IL19: variants seen among roughly 807,000 people sequenced by gnomAD.
The protein encoded by IL19 is interleukin 19, also known as interleukin-19.
Under a neutral mutation model 19.5 loss-of-function variants are expected in IL19, and 15 were observed. That is an observed-to-expected ratio of 0.77 (90% CI 0.52 to 1.19). The LOEUF is 1.19. Among genes scored for constraint, IL19 ranks in the 50% most tolerant of loss-of-function variants. The probability of loss-of-function intolerance (pLI) is 0.00; values close to 1 mark genes in which losing one functional copy is unlikely to be tolerated. For synonymous variants in IL19, 78 were observed against 78.3 expected (o/e 1.00, Z 0.02); for missense variants, 199 against 213.1 (o/e 0.93, Z 0.41).
chr1:206,808,589 G>A (rs1190179114), intron 2 of IL19, among the ~76,000 whole-genome samples: 1 of 152,078 alleles, frequency 6.6e-6, no homozygotes, highest in Non-Finnish European at 1.5e-5. Flanking sequence ...CTGGCACTGA[G>A]ACAGAGTAAA....
intron 2 of IL19, among the ~76,000 whole-genome samples, chr1:206,808,500 C>CAT (rs144582254): frequency 3.4e-5 from 5 of 148,610 alleles, no homozygotes; most frequent in African/African-American, 1.2e-4. Flanking sequence ...TGTGTGTGTG[C>CAT]GTGTGTGTGT....
chr1:206,830,563 C>A (rs1676567522), intron 2 of IL19, among the ~76,000 whole-genome samples: 1 of 123,332 alleles, frequency 8.1e-6, no homozygotes, highest in African/African-American at 3.1e-5. Flanking sequence ...AATACCCATC[C>A]ATCATTATCA....
At chr1:206,835,367 G>A (rs560760010) in intron 2 of IL19, among the ~76,000 whole-genome samples, 6 of 152,328 alleles carry the variant, frequency 3.9e-5, no homozygotes, top group Non-Finnish European at 7.3e-5. Context: ...TTGGCTTAAT[G>A]CCTGCCACGT....
At chr1:206,822,019 G>T (rs11811158) in intron 2 of IL19, among the ~76,000 whole-genome samples, 6,755 of 152,246 alleles carry the variant, frequency 0.044, 537 homozygotes, top group African/African-American at 0.16. Context: ...GTGCCCCACC[G>T]TGCCTGGAAT....
chr1:206,822,903 T>C (rs532055075), intron 2 of IL19, among the ~76,000 whole-genome samples: 1 of 152,092 alleles, frequency 6.6e-6, no homozygotes, highest in African/African-American at 2.4e-5. Flanking sequence ...TAGGGTTATA[T>C]TTCACTGCAT....
At chr1:206,838,165 A>G (rs1308174938) in intron 4 of IL19, among the ~76,000 whole-genome samples, 2 of 152,234 alleles carry the variant, frequency 1.3e-5, no homozygotes, top group African/African-American at 4.8e-5. Context: ...CAGTGACAAG[A>G]TCTGCCCAAT....
At chr1:206,836,153 A>G (rs1285496342) in intron 2 of IL19, among the ~76,000 whole-genome samples, 2 of 152,240 alleles carry the variant, frequency 1.3e-5, no homozygotes, top group Admixed American at 1.3e-4. Flanking sequence ...GGCTTCAAAC[A>G]AATGATTTTA....
rs562924036 is a variant in IL19 at position 206,836,279 on chromosome 1, T to A, written c.-2-382T>A. 5.9e-5 allele frequency among the ~76,000 whole-genome samples: 9 copies of A among 152,344 alleles called. No individual in the cohort carries two copies. In the East Asian group the frequency reaches 1.7e-3, roughly 29 times the overall value. Reference sequence around the variant, plus strand: ...CATCTGTTGCCGAATTCCTAGGGCATCTTACCAACCCTGCTTTTCCTATTT... The same window carrying A: ...CATCTGTTGCCGAATTCCTAGGGCAACTTACCAACCCTGCTTTTCCTATTT... On this transcript the variant is annotated intron_variant, in intron 2 of 6. Transcript: ENST00000659997.
chr1:206,806,418 CAATA>C (rs200166593), intron 2 of IL19, among the ~76,000 whole-genome samples: 8 of 152,252 alleles, frequency 5.3e-5, no homozygotes, highest in African/African-American at 1.9e-4. Context: ...TACAAAAACT[CAATA>C]AATAAATAGG....
At chr1:206,831,804 G>A (rs2102482926) in intron 2 of IL19, among the ~76,000 whole-genome samples, 1 of 152,302 alleles carries the variant, frequency 6.6e-6, no homozygotes, top group Non-Finnish European at 1.5e-5. Flanking sequence ...TCCAGTACCA[G>A]CGATTATGGT....
chr1:206,771,253 T>G, intron 1 of IL19, 175 bp downstream of exon 1: 1 of 1,248,824 alleles, frequency 8.0e-7, no homozygotes, highest in East Asian at 2.3e-5. Flanking sequence ...CTTCTCCTTT[T>G]CAAAGCGAAG....
intron 2 of IL19, among the ~76,000 whole-genome samples, chr1:206,804,290 G>A (rs1380559904): frequency 6.6e-6 from 1 of 152,164 alleles, no homozygotes; most frequent in Non-Finnish European, 1.5e-5. Flanking sequence ...TGACAAAGAG[G>A]GTTCCTGTGC....
At chr1:206,824,624 G>C (rs1245960107) in intron 2 of IL19, among the ~76,000 whole-genome samples, 3 of 152,190 alleles carry the variant, frequency 2.0e-5, no homozygotes, top group African/African-American at 7.2e-5. Flanking sequence ...GTTTTCCCAA[G>C]ATCACAGAGC....
chr1:206,781,892 TA>T (rs1371727948), intron 1 of IL19, among the ~76,000 whole-genome samples: 27 of 126,418 alleles, frequency 2.1e-4, no homozygotes, highest in East Asian at 4.2e-4. Flanking sequence ...TATATGTATA[TA>T]GTTATATATA....
chr1:206,802,725 C>T (rs901833367), intron 2 of IL19, among the ~76,000 whole-genome samples: 1 of 151,724 alleles, frequency 6.6e-6, no homozygotes, highest in African/African-American at 2.4e-5. Context: ...TCTCTTCCAA[C>T]ACTGTCCCTC....
intron 2 of IL19, among the ~76,000 whole-genome samples, chr1:206,805,462 G>C (rs541878883): frequency 6.6e-6 from 1 of 152,340 alleles, no homozygotes; most frequent in East Asian, 1.9e-4. Flanking sequence ...ATTTACATCT[G>C]TGTGACTAGA....
chr1:206,783,698 G>A (rs991172859), intron 1 of IL19, among the ~76,000 whole-genome samples: 7 of 152,174 alleles, frequency 4.6e-5, no homozygotes, highest in African/African-American at 7.2e-5. Context: ...CCCAAGATGT[G>A]CTCTGTCTTT....
intron 1 of IL19, among the ~76,000 whole-genome samples, chr1:206,785,874 C>T (rs1413369485): frequency 6.6e-6 from 1 of 152,172 alleles, no homozygotes; most frequent in African/African-American, 2.4e-5. Context: ...AGAGATGTTG[C>T]TCCAGTTTCC....
At chr1:206,815,082 A>T (rs1190632677) in intron 2 of IL19, among the ~76,000 whole-genome samples, 2 of 152,156 alleles carry the variant, frequency 1.3e-5, no homozygotes, top group African/African-American at 2.4e-5. Flanking sequence ...TCCACTTTCA[A>T]GATATTTCAT....
Sources: allele counts gnomAD v4.1 joint callset (sites outside exome capture counted in the v4.1 genomes callset), GRCh38; gene constraint gnomAD v4.1.1; transcripts MANE v1.5; gene names NCBI Gene and HGNC (gene_info 2026-07-23, HGNC 2026-07-21).